FIGNL2: variants seen among roughly 807,000 people sequenced by gnomAD.
FIGNL2 encodes the protein fidgetin-like protein 2.
For missense variants in FIGNL2, 1,060 were observed against 950.2 expected, an observed-to-expected ratio of 1.12 and a Z score of -1.52; for synonymous variants, 565 against 484.0, an observed-to-expected ratio of 1.17 and a Z score of -2.20.
chr12:51,838,166 T>A (rs1242629950), intron 1 of FIGNL2: 2 of 152,320 alleles, frequency 1.3e-5, no homozygotes, highest in African/African-American at 2.4e-5. Flanking sequence ...TTGGAGCAGG[T>A]CAGAGATGGA....
At chr12:51,842,493 T>C (rs1182573686) in intron 1 of FIGNL2, among the ~76,000 whole-genome samples, 2 of 151,982 alleles carry the variant, frequency 1.3e-5, no homozygotes, top group African/African-American at 4.8e-5. Context: ...CTTTTTCAGG[T>C]ATAACCTAAA....
intron 1 of FIGNL2, among the ~76,000 whole-genome samples, chr12:51,837,018 G>A (rs1321332230): frequency 2.0e-5 from 3 of 152,132 alleles, no homozygotes; most frequent in Non-Finnish European, 4.4e-5. Context: ...CCCAGGGAGT[G>A]TATTAGCACA....
intron 1 of FIGNL2, among the ~76,000 whole-genome samples, chr12:51,828,886 A>C (rs1471776513): frequency 6.6e-6 from 1 of 152,126 alleles, no homozygotes; most frequent in Non-Finnish European, 1.5e-5. Flanking sequence ...TTAGAAACAC[A>C]AATAAATTTT....
Position 51,820,838 on chromosome 12 carries a change from C to T in FIGNL2, c.1576G>A (p.Ala526Thr). ...GTGCCCACAACCAGCACGCCGTCAG[C>T]CCCCGCGCCGCAGCCCCCGTCCAGG... The part of the protein sequence containing the change: ...ACLDGGCGAG[A>T]DGVLVVGTTS... Residue 526 changes from alanine (A) to threonine (T), a missense_variant, in exon 2 of 2, where the codon GCT becomes ACT. Physicochemically the swap from Ala to Thr is moderately conservative, Grantham distance 58. Transcript: ENST00000618634. 2.1e-6 allele frequency: 3 copies of T among 1,459,440 alleles called. No individual in the cohort carries two copies. The highest frequency in any genetic ancestry group is 2.7e-6 in the Non-Finnish European group (3 of 1,112,814). The allele number at this position is 1,459,440 out of a possible 1,614,324, so 90.4% of individuals were successfully genotyped here.
Position 51,818,059 on chromosome 12 carries a change from G to C in FIGNL2, c.*2393C>G, listed in dbSNP as rs1240037352. On this transcript the variant is annotated 3_prime_UTR_variant, in exon 2 of 2. Coordinates refer to ENST00000618634, the MANE Select transcript of FIGNL2 (RefSeq NM_001384995.1). ...TAGAAATGGTTACAGCGGGAGGAGAGGATCCCAGCCCCAGTCTGGGTAGAG... is the reference window on the plus strand; with the variant it reads ...TAGAAATGGTTACAGCGGGAGGAGACGATCCCAGCCCCAGTCTGGGTAGAG... 1 of 152,348 alleles carries C rather than the reference G, an allele frequency of 6.6e-6. No individual in the cohort carries two copies. Among genetic ancestry groups the C allele is most frequent in the African/African-American group, 2.4e-5 (1 of 41,428 alleles). The allele number at this position is 152,348 out of a possible 1,614,324, so 9.4% of individuals were successfully genotyped here.
chr12:51,834,790 G>A (rs891698041), intron 1 of FIGNL2, among the ~76,000 whole-genome samples: 2 of 152,174 alleles, frequency 1.3e-5, no homozygotes, highest in Non-Finnish European at 2.9e-5. Context: ...CAGGCCAGGG[G>A]CCCAGCACCC....
chr12:51,845,432 C>T, intron 1 of FIGNL2: 3 of 977,152 alleles, frequency 3.1e-6, no homozygotes, highest in Non-Finnish European at 3.6e-6. Flanking sequence ...GATGCCAGCA[C>T]CCCATACTTG....
intron 1 of FIGNL2, 152 bp downstream of exon 1, chr12:51,848,388 T>C: frequency 1.0e-6 from 1 of 975,084 alleles, no homozygotes; most frequent in Non-Finnish European, 1.2e-6. Context: ...TCGCCGGCCC[T>C]GCCCTCCGAC....
intron 1 of FIGNL2, among the ~76,000 whole-genome samples, chr12:51,836,157 C>T (rs1320743514): frequency 6.6e-6 from 1 of 152,148 alleles, no homozygotes; most frequent in Non-Finnish European, 1.5e-5. Context: ...CTACCCTGGA[C>T]TGGAGCTTTC....
At chr12:51,833,252 C>G (rs1939505738) in intron 1 of FIGNL2, among the ~76,000 whole-genome samples, 1 of 152,126 alleles carries the variant, frequency 6.6e-6, no homozygotes, top group Non-Finnish European at 1.5e-5. Context: ...GGGGGTCTCA[C>G]TGTGTTGTCC....
At position 51,821,559 on chromosome 12, in the gene FIGNL2, G is replaced by A. The variant is rs775112956; in HGVS notation, c.855C>T (p.Pro285=). Residue 285 remains proline, a synonymous_variant, in exon 2 of 2, where the codon CCC becomes CCT. Coordinates refer to ENST00000618634, the MANE Select transcript of FIGNL2 (RefSeq NM_001384995.1). Reference sequence around the variant, plus strand: ...CTCCGTCAGCCACGGGGGCCTTGGCGGGCTCGTACGCGTACTTGCGGTAGC... The same window carrying A: ...CTCCGTCAGCCACGGGGGCCTTGGCAGGCTCGTACGCGTACTTGCGGTAGC... The part of the protein sequence containing the change: ...EGRYRKYAYE[P]AKAPVADGAS... The A allele has an allele frequency of 1.3e-6, 2 of 1,545,410 alleles. No individual in the cohort carries two copies. Among genetic ancestry groups the A allele is most frequent in the Middle Eastern group, 1.8e-4 (1 of 5,530 alleles).
At position 51,848,490 on chromosome 12, in the gene FIGNL2, C is replaced by A. The variant is rs535959822; in HGVS notation, c.-12+50G>T. On this transcript the variant is annotated intron_variant, in intron 1 of 1. Coordinates refer to ENST00000618634, the MANE Select transcript of FIGNL2 (RefSeq NM_001384995.1). ...CGGACAAAGCTCCGGACACCCTGAC[C>A]GAACGGTCACCTCCCCCCGCCCCAT... 4.1e-4 allele frequency: 404 copies of A among 982,990 alleles called. 3 individuals carry two copies. The African/African-American group carries it at 6.6e-3, about 16-fold the overall frequency. The allele number at this position is 982,990 out of a possible 1,614,324, so 60.9% of individuals were successfully genotyped here. A position where few individuals can be genotyped will look rare whatever the true frequency, so the allele number is the denominator to read the frequency against.
At chr12:51,834,251 G>A (rs1227244737) in intron 1 of FIGNL2, among the ~76,000 whole-genome samples, 5 of 152,048 alleles carry the variant, frequency 3.3e-5, no homozygotes, top group Admixed American at 1.3e-4. Context: ...GAAGCCAGGG[G>A]CTCACCTCAG....
intron 1 of FIGNL2, among the ~76,000 whole-genome samples, chr12:51,836,584 A>G (rs57766050): frequency 0.022 from 3,311 of 152,204 alleles, 122 homozygotes; most frequent in African/African-American, 0.072. Context: ...CAGAATCCTA[A>G]GGGGAGATGG....
At chr12:51,847,303 C>T (rs1172187527) in intron 1 of FIGNL2, 1 of 985,320 alleles carries the variant, frequency 1.0e-6, no homozygotes, top group Non-Finnish European at 1.2e-6. Context: ...GACTGGGCGG[C>T]TCCACAGGGG....
chr12:51,834,011 A>G (rs11169922), intron 1 of FIGNL2, among the ~76,000 whole-genome samples: 11 of 46,732 alleles, frequency 2.4e-4, no homozygotes, highest in Non-Finnish European at 4.0e-4. Flanking sequence ...ATGGACAGAC[A>G]AATGGACGGA....
intron 1 of FIGNL2, among the ~76,000 whole-genome samples, chr12:51,829,643 C>G (rs1426761613): frequency 6.6e-6 from 1 of 152,140 alleles, no homozygotes; most frequent in Non-Finnish European, 1.5e-5. Flanking sequence ...GTGCCAGCCA[C>G]TGTGTGCCAG....
rs1352452891 is a variant in FIGNL2 at position 51,821,733 on chromosome 12, CG to C, written c.680del (p.Pro227ArgfsTer5). The C allele has an allele frequency of 1.2e-6, 1 of 818,002 alleles. No individual in the cohort carries two copies. Among genetic ancestry groups the C allele is most frequent in the Non-Finnish European group, 1.5e-6 (1 of 653,782 alleles). The allele number at this position is 818,002 out of a possible 1,614,324, so 50.7% of individuals were successfully genotyped here. A position where few individuals can be genotyped will look rare whatever the true frequency, so the allele number is the denominator to read the frequency against. ...GALPPPPGPP[P>X]APYLTPGLPA... is the part of the protein sequence containing the mutation. ...GCAGGCCCGGGGTCAGGTAGGGGGC[CG>C]GGGGTGGGCCTGGGGGCGGCGGGAG... is the stretch of plus-strand genomic sequence containing the variant. On this transcript the variant is annotated frameshift_variant, in exon 2 of 2. Transcript: ENST00000618634. LOFTEE classifies it low-confidence loss of function (END_TRUNC).
intron 1 of FIGNL2, among the ~76,000 whole-genome samples, chr12:51,833,943 G>A (rs1382447475): frequency 1.3e-5 from 2 of 151,536 alleles, no homozygotes; most frequent in Non-Finnish European, 2.9e-5. Context: ...CAGGATGGAT[G>A]GACAGACGGA....
Sources: allele counts gnomAD v4.1 joint callset (sites outside exome capture counted in the v4.1 genomes callset), GRCh38; gene constraint gnomAD v4.1.1; transcripts MANE v1.5; gene names NCBI Gene and HGNC (gene_info 2026-07-23, HGNC 2026-07-21).